TNNI2: variants seen among roughly 807,000 people sequenced by gnomAD.
TNNI2 encodes troponin I2, fast skeletal type.
TNNI2 carries 14 observed loss-of-function variants against 26.5 expected under a neutral mutation model. The ratio of observed to expected loss-of-function variants is 0.53; its 90% CI spans 0.35 to 0.83. The LOEUF is 0.83. TNNI2 is among the 40% of genes least tolerant of loss of function. The pLI is 0.01. For missense variants in TNNI2, 205 were observed against 248.5 expected (o/e 0.82, Z 1.18); for synonymous variants, 126 against 97.6 (o/e 1.29, Z -1.71).
intron 1 of TNNI2, 101 bp from the exon 2 acceptor site, chr11:1,839,574 G>C (rs1847117930): frequency 8.1e-7 from 1 of 1,232,682 alleles, no homozygotes; most frequent in Non-Finnish European, 1.2e-6. Context: ...GCGGGAGGGG[G>C]CTGTCATCAG....
chr11:1,840,159 C>A (rs1225954027), intron 3 of TNNI2: 12 of 1,545,272 alleles, frequency 7.8e-6, no homozygotes, highest in Non-Finnish European at 1.1e-5. Flanking sequence ...GCCCTCCTCT[C>A]CCCCAGCCTC....
Position 1,841,598 on chromosome 11 carries a change from A to T in TNNI2, c.*47A>T, listed in dbSNP as rs1847185107. 1 of 1,574,516 alleles carries T rather than the reference A, an allele frequency of 6.4e-7. No individual in the cohort carries two copies. The highest frequency in any genetic ancestry group is 1.1e-5 in the South Asian group (1 of 90,160). ...TGCCCCGGTGCCCGGCTCCCAGCAGAACATACTAGGGAGATGCACCCAGAG... is the reference window on the plus strand; with the variant it reads ...TGCCCCGGTGCCCGGCTCCCAGCAGTACATACTAGGGAGATGCACCCAGAG... On this transcript the variant is annotated 3_prime_UTR_variant, in exon 8 of 8. Coordinates refer to ENST00000381911, the MANE Select transcript of TNNI2 (RefSeq NM_003282.4).
Position 1,840,804 on chromosome 11 carries a change from C to A in TNNI2, c.187-15C>A. 1 of 1,609,228 alleles carries A rather than the reference C, an allele frequency of 6.2e-7. No homozygotes were observed. Among genetic ancestry groups the A allele is most frequent in the Non-Finnish European group, 8.5e-7 (1 of 1,178,304 alleles). On this transcript the variant is annotated splice_polypyrimidine_tract_variant and intron_variant, in intron 5 of 7. Transcript: ENST00000381911. ...AAGTGTCAGGACGGCCGCCCGCCCC[C>A]ACACCCACCCCTAGGAGCTCTGCAA...
At position 1,841,012 on chromosome 11, in the gene TNNI2, C is replaced by G; in HGVS notation, c.277-19C>G. 6.2e-7 allele frequency: 1 copy of G among 1,610,640 alleles called. No homozygotes were observed. The highest frequency in any genetic ancestry group is 8.5e-7 in the Non-Finnish European group (1 of 1,178,828). ...GACCACCGGGACCTCGGGCTCCCAC[C>G]CGGCTCCCCTGCCCACAGCTGGAGG... On this transcript the variant is annotated intron_variant, in intron 6 of 7. Coordinates refer to ENST00000381911, the MANE Select transcript of TNNI2 (RefSeq NM_003282.4).
chr11:1,839,959 G>A, intron 3 of TNNI2, 104 bp downstream of exon 3: 1 of 1,538,946 alleles, frequency 6.5e-7, no homozygotes, highest in East Asian at 2.3e-5. Flanking sequence ...AGAGAAGATG[G>A]CCTGGCCCTC....
rs1401551549 is a variant in TNNI2 at position 1,839,656 on chromosome 11, T to A, written c.-22-19T>A. 1.2e-6 allele frequency: 2 copies of A among 1,613,320 alleles called. No individual in the cohort carries two copies. The highest frequency in any genetic ancestry group is 4.5e-5 in the East Asian group (2 of 44,862). ...GTGGCAAGGGCCTGGCCAACACCTC[T>A]GTCTTCCTCTCCCCACAGGCTCCAA... On this transcript the variant is annotated intron_variant, in intron 1 of 7. Transcript: ENST00000381911.
At chr11:1,840,189 G>C (rs747945098) in intron 3 of TNNI2, 2 of 1,550,972 alleles carry the variant, frequency 1.3e-6, no homozygotes, top group African/African-American at 2.7e-5. Flanking sequence ...AGCACCATGT[G>C]CCACCTGGCA....
Position 1,840,634 on chromosome 11 carries a change from C to T in TNNI2, c.164C>T (p.Pro55Leu), listed in dbSNP as rs554675765. 3.2e-5 allele frequency: 51 copies of T among 1,612,844 alleles called. No homozygotes were observed. In the South Asian group the frequency reaches 3.2e-4, roughly 10 times the overall value. ...LAEHCPPLHI[P>L]GSMSEVQELC... ...GAGCACTGCCCGCCGCTGCATATCC[C>T]GGGCTCCATGTCTGAAGTGCAGGTA... Residue 55 changes from proline to leucine, a missense_variant, in exon 5 of 8, where the codon CCG (proline) becomes CTG (leucine). By Grantham distance (98) the Pro-to-Leu change is moderately conservative. Coordinates refer to ENST00000381911, the MANE Select transcript of TNNI2 (RefSeq NM_003282.4).
At chr11:1,841,394 G>A in intron 7 of TNNI2, 62 bp from the exon 8 acceptor site, 2 of 1,579,040 alleles carry the variant, frequency 1.3e-6, no homozygotes, top group South Asian at 2.2e-5. Context: ...TGAAGGTGGT[G>A]TGGACCAGGG....
Position 1,841,435 on chromosome 11 carries a change from C to T in TNNI2, c.454-21C>T, listed in dbSNP as rs117519669. On this transcript the variant is annotated intron_variant, in intron 7 of 7. Transcript: ENST00000381911. ...GCATAAGTGGGTGAGCCTGAGCTCTCTCCTGCCCTCTCCTCCACAGGAGCG... is the reference window on the plus strand; with the variant it reads ...GCATAAGTGGGTGAGCCTGAGCTCTTTCCTGCCCTCTCCTCCACAGGAGCG... 1,464 of 1,613,054 alleles carry T rather than the reference C, an allele frequency of 9.1e-4. 12 individuals are homozygous for T. The East Asian group carries it at 0.025, about 28-fold the overall frequency.
chr11:1,839,731 C>T, intron 2 of TNNI2, 27 bp downstream of exon 2: 6 of 1,613,858 alleles, frequency 3.7e-6, no homozygotes, highest in Non-Finnish European at 5.1e-6. Context: ...TACCCCCATA[C>T]AGTGACCCTG....
Position 1,841,125 on chromosome 11 carries a change from A to G in TNNI2, c.371A>G (p.Lys124Arg). 1 of 1,613,256 alleles carries G rather than the reference A, an allele frequency of 6.2e-7. No individual in the cohort carries two copies. The highest frequency in any genetic ancestry group is 8.5e-7 in the Non-Finnish European group (1 of 1,179,954). The change falls in exon 7 of 8, where the codon AAG (lysine) becomes AGG (arginine). Residue 124 changes from lysine to arginine, a missense_variant. Transcript: ENST00000381911. ...CGCATGTCGGCCGATGCCATGCTCA[A>G]GGCCCTGCTGGGCTCGAAGCACAAG... ...RVRMSADAML[K>R]ALLGSKHKVC...
Position 1,840,347 on chromosome 11 carries a change from T to A in TNNI2, c.16-56T>A, listed in dbSNP as rs536935986. ...CCTGGCCAGGGAGCGTGGAAGGGGG[T>A]GGGGGTGCTCCAGGCCTGGAGGCCC... is the stretch of plus-strand genomic sequence containing the variant. On this transcript the variant is annotated intron_variant, in intron 3 of 7. Coordinates refer to ENST00000381911, the MANE Select transcript of TNNI2 (RefSeq NM_003282.4). The A allele has an allele frequency of 6.3e-4, 981 of 1,569,600 alleles. 11 individuals are homozygous for A. In the South Asian group the frequency reaches 0.011, roughly 17 times the overall value.
intron 3 of TNNI2, 22 bp from the exon 4 acceptor site, chr11:1,840,381 C>A: frequency 2.5e-6 from 4 of 1,604,270 alleles, no homozygotes; most frequent in Middle Eastern, 1.7e-4. Context: ...CCTGACTCGA[C>A]CCCCTGTCCC....
intron 3 of TNNI2, chr11:1,840,147 T>C (rs2133033564): frequency 6.3e-6 from 8 of 1,269,342 alleles, no homozygotes; most frequent in Admixed American, 2.1e-5. Context: ...TGCCCCCAAC[T>C]GGCCCTCCTC....
chr11:1,839,083 G>C (rs1420327953), intron 1 of TNNI2, 50 bp downstream of exon 1: 1 of 153,108 alleles, frequency 6.5e-6, no homozygotes, highest in Admixed American at 6.5e-5. Flanking sequence ...CGTGGCTCGA[G>C]CTGGTTTGAG....
Position 1,839,695 on chromosome 11 carries a change from G to C in TNNI2, c.-2G>C. 6.2e-7 allele frequency: 1 copy of C among 1,613,848 alleles called. No homozygotes were observed. The highest frequency in any genetic ancestry group is 1.3e-5 in the African/African-American group (1 of 75,018). On this transcript the variant is annotated 5_prime_UTR_variant, in exon 2 of 8. Coordinates refer to ENST00000381911, the MANE Select transcript of TNNI2 (RefSeq NM_003282.4). ...CACAGGCTCCAAGCTCAGGACCTCAGGATGGGAGAGTAAGTGGTACCCCTG... is the reference window on the plus strand; with the variant it reads ...CACAGGCTCCAAGCTCAGGACCTCACGATGGGAGAGTAAGTGGTACCCCTG...
intron 3 of TNNI2, 153 bp from the exon 4 acceptor site, chr11:1,840,250 G>T: frequency 3.9e-6 from 6 of 1,550,364 alleles, no homozygotes; most frequent in Non-Finnish European, 5.2e-6. Context: ...TCTGGGGCCA[G>T]GGAGGCCCAG....
rs767038297 is a variant in TNNI2 at position 1,841,408 on chromosome 11, G to A, written c.454-48G>A. The A allele has an allele frequency of 6.9e-6, 11 of 1,595,888 alleles. No homozygotes were observed. In the Admixed American group the frequency reaches 1.0e-4, roughly 15 times the overall value. On this transcript the variant is annotated intron_variant, in intron 7 of 7. Transcript: ENST00000381911. ...CTGAAGGTGGTGTGGACCAGGGTGC[G>A]TGCATAAGTGGGTGAGCCTGAGCTC...
Sources: allele counts gnomAD v4.1 joint callset, GRCh38; gene constraint gnomAD v4.1.1; transcripts MANE v1.5; gene names NCBI Gene and HGNC (gene_info 2026-07-23, HGNC 2026-07-21).